NCMAP: variants seen among roughly 807,000 people sequenced by gnomAD.
The protein encoded by NCMAP is non-compact myelin associated protein.
Under a neutral mutation model 7.8 loss-of-function variants are expected in NCMAP, and 8 were observed. The observed-to-expected ratio is 1.02, with a 90% confidence interval of 0.60 to 1.84. The LOEUF (loss-of-function observed/expected upper bound fraction) is 1.84, where lower values mean the gene tolerates loss of function less well. Ranked by LOEUF, NCMAP falls within the 40% of genes most tolerant of loss-of-function variation. NCMAP has a pLI of 0.00. For synonymous variants in NCMAP, 41 were observed against 52.9 expected (o/e 0.78, Z 0.98); for missense variants, 112 against 131.4 (o/e 0.85, Z 0.72).
chr1:24,600,508 A>G (rs1652446330), intron 2 of NCMAP, among the ~76,000 whole-genome samples: 1 of 152,232 alleles, frequency 6.6e-6, no homozygotes, highest in Admixed American at 6.5e-5. Context: ...AGATATGCAG[A>G]CGATCAGCAG....
intron 2 of NCMAP, among the ~76,000 whole-genome samples, chr1:24,595,794 CTTTTTTTTT>C (rs34640170): frequency 8.4e-6 from 1 of 119,496 alleles, no homozygotes; most frequent in Admixed American, 9.7e-5. Context: ...TGGACTGTGT[CTTTTTTTTT>C]TTTTTTTTTT....
chr1:24,586,933 T>C (rs947190040), intron 1 of NCMAP, among the ~76,000 whole-genome samples: 2 of 152,098 alleles, frequency 1.3e-5, no homozygotes, highest in Non-Finnish European at 2.9e-5. Flanking sequence ...GTAATATCGA[T>C]AGATATTGTG....
At chr1:24,587,281 A>C (rs1176431023) in intron 1 of NCMAP, among the ~76,000 whole-genome samples, 1 of 152,200 alleles carries the variant, frequency 6.6e-6, no homozygotes, top group African/African-American at 2.4e-5. Context: ...TATTTACCCC[A>C]GAGAAGAAAA....
rs1652820372 is a variant in NCMAP at position 24,608,020 on chromosome 1, T to C, written c.*2273T>C. 6.6e-6 allele frequency: 1 copy of C among 152,240 alleles called. No individual in the cohort carries two copies. The highest frequency in any genetic ancestry group is 6.5e-5 in the Admixed American group (1 of 15,280). 9.4% of individuals were successfully genotyped at this position (152,240 alleles called of 1,614,324 possible). ...ATTCTTCCTCTCTGGTCATTATTTC[T>C]TCCTACTGTGTTTAAATATCCACCA... On this transcript the variant is annotated 3_prime_UTR_variant, in exon 4 of 4. Transcript: ENST00000374392.
chr1:24,561,085 C>A (rs1015394110), intron 1 of NCMAP, among the ~76,000 whole-genome samples: 2 of 149,862 alleles, frequency 1.3e-5, no homozygotes, highest in African/African-American at 4.9e-5. Context: ...ATAATCCCAG[C>A]ACTTTGGGAG....
chr1:24,569,007 A>ATTTGT (rs965997215), intron 1 of NCMAP, among the ~76,000 whole-genome samples: 1 of 145,580 alleles, frequency 6.9e-6, no homozygotes, highest in African/African-American at 2.5e-5. Flanking sequence ...TTCCTAATAT[A>ATTTGT]TTTGTTTTGT....
intron 1 of NCMAP, among the ~76,000 whole-genome samples, chr1:24,581,769 C>A (rs1651753311): frequency 6.6e-6 from 1 of 152,196 alleles, no homozygotes; most frequent in East Asian, 1.9e-4. Context: ...TAGACATTTA[C>A]AAGACTAAAG....
intron 1 of NCMAP, among the ~76,000 whole-genome samples, chr1:24,587,896 A>C (rs909562424): frequency 4.6e-5 from 7 of 152,182 alleles, no homozygotes; most frequent in Admixed American, 1.3e-4. Flanking sequence ...TGCACCAATA[A>C]GTAAAAATTA....
intron 2 of NCMAP, among the ~76,000 whole-genome samples, chr1:24,595,964 A>G (rs987814151): frequency 3.3e-5 from 5 of 152,084 alleles, no homozygotes; most frequent in Admixed American, 2.0e-4. Context: ...GTAACATACT[A>G]AGTACCTAAT....
chr1:24,559,917 T>G (rs1361691473), intron 1 of NCMAP, among the ~76,000 whole-genome samples: 1 of 152,078 alleles, frequency 6.6e-6, no homozygotes, highest in African/African-American at 2.4e-5. Flanking sequence ...ATCCCAGCAC[T>G]TTGGGAGGCC....
At position 24,576,053 on chromosome 1, in the gene NCMAP, G is replaced by A. The variant is rs919376704; in HGVS notation, c.-7-19371G>A. Among the ~76,000 whole-genome samples, 1 of 151,750 alleles carries A rather than the reference G, an allele frequency of 6.6e-6. No homozygotes were observed. The highest frequency in any genetic ancestry group is 2.4e-5 in the African/African-American group (1 of 41,316). ...TCATCCTGATCCTCTCTGCACAGCC[G>A]CATTGCCCCGTCCAGAGCTTCTCCT... On this transcript the variant is annotated intron_variant, in intron 1 of 3. Transcript: ENST00000374392. This position sits in a 1 kb window ranked among gnomAD's most constrained non-coding sequence, Gnocchi z 4.0.
chr1:24,581,244 A>G (rs4603075), intron 1 of NCMAP, among the ~76,000 whole-genome samples: 121,109 of 151,294 alleles, frequency 0.8, 49,204 homozygotes, highest in African/African-American at 0.95. Context: ...AGCCTCCCAA[A>G]CAGCTGAAAT....
chr1:24,573,600 G>GAAACAA (rs149566222), intron 1 of NCMAP, among the ~76,000 whole-genome samples: 7 of 148,082 alleles, frequency 4.7e-5, no homozygotes, highest in South Asian at 4.2e-4. Flanking sequence ...CTACAAAAAA[G>GAAACAA]AAACAAAAAC....
intron 1 of NCMAP, among the ~76,000 whole-genome samples, chr1:24,582,391 C>G (rs1651770722): frequency 6.6e-6 from 1 of 152,190 alleles, no homozygotes; most frequent in South Asian, 2.1e-4. Flanking sequence ...GCAAAAGGAA[C>G]TTTGCAGATG....
intron 1 of NCMAP, among the ~76,000 whole-genome samples, chr1:24,559,566 C>T (rs1020021126): frequency 3.1e-4 from 47 of 152,268 alleles, no homozygotes; most frequent in Non-Finnish European, 2.2e-4. Context: ...GCAGTTTAGT[C>T]TAAGGAAGGA....
chr1:24,559,543 C>T (rs887971743), intron 1 of NCMAP, among the ~76,000 whole-genome samples: 3 of 152,138 alleles, frequency 2.0e-5, no homozygotes, highest in Admixed American at 6.5e-5. Context: ...TGAAATTCCC[C>T]GAGGTAGTGG....
At chr1:24,583,710 C>T (rs866585458) in intron 1 of NCMAP, among the ~76,000 whole-genome samples, 1 of 125,634 alleles carries the variant, frequency 8.0e-6, no homozygotes, top group Non-Finnish European at 1.7e-5. Flanking sequence ...AGCAAGACTC[C>T]GTCTCAGAAA....
intron 1 of NCMAP, among the ~76,000 whole-genome samples, chr1:24,564,261 G>A (rs908872027): frequency 6.6e-6 from 1 of 152,074 alleles, no homozygotes; most frequent in Non-Finnish European, 1.5e-5. Context: ...TGTAATCCCA[G>A]CACTTGGGGA....
At chr1:24,595,794 CTTTT>C (rs34640170) in intron 2 of NCMAP, among the ~76,000 whole-genome samples, 34,290 of 119,150 alleles carry the variant, frequency 0.29, 4,665 homozygotes, top group African/African-American at 0.39. Flanking sequence ...TGGACTGTGT[CTTTT>C]TTTTTTTTTT....
Sources: allele counts gnomAD v4.1 joint callset (sites outside exome capture counted in the v4.1 genomes callset), GRCh38; gene constraint gnomAD v4.1.1; non-coding constraint Gnocchi (gnomAD v3.1); transcripts MANE v1.5; gene names NCBI Gene and HGNC (gene_info 2026-07-23, HGNC 2026-07-21).